The following CDH18 variants were observed in gnomAD, a reference collection of about 807,000 sequenced individuals.
CDH18 encodes cadherin 18, also known as cadherin-18.
CDH18 carries 31 observed loss-of-function variants against 67.9 expected under a neutral mutation model. The ratio of observed to expected loss-of-function variants is 0.46; its 90% CI spans 0.34 to 0.62. The LOEUF is 0.62. CDH18 is among the 20% of genes least tolerant of loss of function. CDH18 has a pLI of 0.01. For missense variants in CDH18, 890 were observed against 975.5 expected (o/e 0.91, Z 1.17); for synonymous variants, 362 against 347.2 (o/e 1.04, Z -0.48).
chr5:20,406,966 C>T (rs1746324478), intron 1 of CDH18, among the ~76,000 whole-genome samples: 2 of 152,146 alleles, frequency 1.3e-5, no homozygotes, highest in Admixed American at 6.5e-5. Flanking sequence ...AAACTTCTAG[C>T]TGTCAACCTC....
intron 3 of CDH18, among the ~76,000 whole-genome samples, chr5:19,769,276 A>G (rs960022388): frequency 6.6e-6 from 1 of 152,106 alleles, no homozygotes; most frequent in African/African-American, 2.4e-5. Context: ...AAACTCCTAG[A>G]AGACAAAACA....
At chr5:19,719,780 A>G (rs1765774567) in intron 5 of CDH18, among the ~76,000 whole-genome samples, 1 of 152,020 alleles carries the variant, frequency 6.6e-6, no homozygotes, top group East Asian at 1.9e-4. Context: ...ATATTTATAT[A>G]TATTCATGTG....
At chr5:20,273,803 G>A (rs1745610256) in intron 1 of CDH18, among the ~76,000 whole-genome samples, 1 of 151,986 alleles carries the variant, frequency 6.6e-6, no homozygotes, top group Non-Finnish European at 1.5e-5. Flanking sequence ...ACCTATACCA[G>A]GATGTTACAT....
At chr5:20,262,170 C>T (rs1744706677) in intron 1 of CDH18, among the ~76,000 whole-genome samples, 3 of 152,260 alleles carry the variant, frequency 2.0e-5, no homozygotes, top group Middle Eastern at 3.4e-3. Context: ...TGTTATAACA[C>T]TTAAACAGCA....
chr5:19,766,769 C>A (rs1446716378), intron 3 of CDH18, among the ~76,000 whole-genome samples: 1 of 152,138 alleles, frequency 6.6e-6, no homozygotes, highest in Non-Finnish European at 1.5e-5. Context: ...TAGATAGTTT[C>A]TATTTATCTG....
intron 1 of CDH18, among the ~76,000 whole-genome samples, chr5:20,351,956 C>T (rs1340928782): frequency 6.6e-6 from 1 of 152,068 alleles, no homozygotes; most frequent in Non-Finnish European, 1.5e-5. Context: ...TAAGAAAGCC[C>T]CTCACCTCTT....
At chr5:20,419,702 C>A (rs1048726341) in intron 1 of CDH18, among the ~76,000 whole-genome samples, 1 of 150,438 alleles carries the variant, frequency 6.6e-6, no homozygotes, top group African/African-American at 2.5e-5. Flanking sequence ...TGGTCTCGAT[C>A]TCCTGACCTC....
intron 2 of CDH18, among the ~76,000 whole-genome samples, chr5:19,860,388 A>G (rs534855877): frequency 8.0e-5 from 12 of 149,986 alleles, no homozygotes; most frequent in Admixed American, 2.6e-4. Context: ...TCACTTCTAA[A>G]TAATCTTCCC....
At chr5:20,235,445 C>G (rs1326341795) in intron 2 of CDH18, among the ~76,000 whole-genome samples, 2 of 151,890 alleles carry the variant, frequency 1.3e-5, no homozygotes, top group Admixed American at 1.3e-4. Context: ...AATGAATAAC[C>G]CTGTTAAAAA....
At chr5:19,824,683 G>T (rs756590497) in intron 3 of CDH18, among the ~76,000 whole-genome samples, 3 of 152,142 alleles carry the variant, frequency 2.0e-5, no homozygotes, top group Non-Finnish European at 4.4e-5. Flanking sequence ...TAGCTGGATG[G>T]GGCTTCACAC....
intron 4 of CDH18, among the ~76,000 whole-genome samples, chr5:19,739,355 T>C (rs1257293916): frequency 6.6e-6 from 1 of 152,164 alleles, no homozygotes; most frequent in Admixed American, 6.5e-5. Flanking sequence ...AGCAGGTCCC[T>C]ACCTGGAGGA....
rs1368326657 is a variant in CDH18, at chr5:20,323,001, G to T, written c.-579-67496C>A. 2.6e-5 allele frequency among the ~76,000 whole-genome samples: 4 copies of T among 152,110 alleles called. No homozygotes were observed. In the Middle Eastern group the frequency reaches 0.01, roughly 388 times the overall value. On this transcript the variant is annotated intron_variant, in intron 1 of 14. Coordinates refer to the CDH18 transcript ENST00000507958. ...GTGCAACAAAGAATATGGCATTAAT[G>T]GAATAGGTTTTAAAAAAAAGCAGGT...
chr5:19,837,074 C>A (rs984300568), intron 3 of CDH18, among the ~76,000 whole-genome samples: 2 of 152,102 alleles, frequency 1.3e-5, no homozygotes, highest in Non-Finnish European at 2.9e-5. Context: ...GAATACTATG[C>A]AGCCATAAAA....
intron 1 of CDH18, among the ~76,000 whole-genome samples, chr5:20,386,710 T>C (rs1377775506): frequency 1.3e-5 from 2 of 152,156 alleles, no homozygotes; most frequent in Admixed American, 1.3e-4. Context: ...TTTATAATAA[T>C]TTGATATTAT....
chr5:20,078,589 T>C (rs1485840109), intron 2 of CDH18, among the ~76,000 whole-genome samples: 1 of 151,916 alleles, frequency 6.6e-6, no homozygotes, highest in South Asian at 2.1e-4. Flanking sequence ...ATTTTGTTTT[T>C]TTTGGTATAA....
At chr5:20,077,811 T>C (rs928009385) in intron 2 of CDH18, among the ~76,000 whole-genome samples, 1 of 152,192 alleles carries the variant, frequency 6.6e-6, no homozygotes, top group African/African-American at 2.4e-5. Context: ...TTTTAATAAA[T>C]AGATTTCAAA....
intron 5 of CDH18, among the ~76,000 whole-genome samples, chr5:19,648,268 A>T (rs1358268410): frequency 2.0e-5 from 3 of 151,618 alleles, no homozygotes; most frequent in African/African-American, 7.3e-5. Context: ...TACAAAACTT[A>T]GCCTGATGTG....
intron 1 of CDH18, among the ~76,000 whole-genome samples, chr5:20,485,887 C>T (rs550301344): frequency 6.6e-6 from 1 of 152,012 alleles, no homozygotes; most frequent in Non-Finnish European, 1.5e-5. Context: ...TTAAACCAGG[C>T]TATTTTGAAG....
At chr5:20,565,396 C>T (rs1758443787) in intron 1 of CDH18, among the ~76,000 whole-genome samples, 2 of 152,100 alleles carry the variant, frequency 1.3e-5, no homozygotes, top group South Asian at 2.1e-4. Flanking sequence ...TTAGTTCCTG[C>T]TGCTTACTTG....
Sources: allele counts gnomAD v4.1 joint callset (sites outside exome capture counted in the v4.1 genomes callset), GRCh38; gene constraint gnomAD v4.1.1; transcripts MANE v1.5; gene names NCBI Gene and HGNC (gene_info 2026-07-23, HGNC 2026-07-21).